Variants in ZNF609 observed in about 807,000 individuals in gnomAD.
ZNF609 encodes zinc finger protein 609.
In ZNF609, 11 loss-of-function variants were observed where a neutral mutation model predicts 109.5. That is an observed-to-expected ratio of 0.10 (90% CI 0.06 to 0.17). The LOEUF is 0.17. Among genes scored for constraint, ZNF609 ranks in the 10% least tolerant of loss-of-function variants. ZNF609 has a pLI of 1.00. For synonymous variants in ZNF609, 646 were observed against 662.0 expected (o/e 0.98, Z 0.37); for missense variants, 1,559 against 1,772.4 (o/e 0.88, Z 2.16).
intron 2 of ZNF609, among the ~76,000 whole-genome samples, chr15:64,583,842 T>C (rs931968489): frequency 4.6e-5 from 7 of 152,164 alleles, no homozygotes; most frequent in Non-Finnish European, 2.9e-5. Context: ...CCCTACGCTC[T>C]TTTCAGAGTA....
intron 2 of ZNF609, among the ~76,000 whole-genome samples, chr15:64,616,507 C>T (rs1895799773): frequency 1.4e-5 from 2 of 142,548 alleles, no homozygotes; most frequent in African/African-American, 2.5e-5. Flanking sequence ...TGTTATTAAA[C>T]TGATATCTTT....
In ZNF609 at chr15:64,577,167, CAA is replaced by C. The variant is rs1894993381; in HGVS notation, c.748-45659_748-45658del. Among the ~76,000 whole-genome samples the C allele has an allele frequency of 5.9e-5, 2 of 34,052 alleles. 1 individual carries two copies. Among genetic ancestry groups the C allele is most frequent in the South Asian group, 1.5e-3 (2 of 1,312 alleles). 22.3% of individuals were successfully genotyped at this position (34,052 alleles called of 152,430 possible). ...ATATACATATGTGTATATATACACACAATATATACATATATGTGTATATATAC... is the reference window on the plus strand; with the variant it reads ...ATATACATATGTGTATATATACACACTATATACATATATGTGTATATATAC... On this transcript the variant is annotated intron_variant, in intron 2 of 9. Coordinates refer to ENST00000326648, the MANE Select transcript of ZNF609 (RefSeq NM_015042.2).
intron 2 of ZNF609, among the ~76,000 whole-genome samples, chr15:64,539,163 C>CTTAT (rs753926623): frequency 0.12 from 15,962 of 135,156 alleles, 1,110 homozygotes; most frequent in Admixed American, 0.22. Flanking sequence ...GCCACCATGC[C>CTTAT]TTATTTATTT....
chr15:64,649,977 A>G (rs1235847605), intron 3 of ZNF609, among the ~76,000 whole-genome samples: 2 of 152,130 alleles, frequency 1.3e-5, no homozygotes, highest in African/African-American at 2.4e-5. Context: ...GACACATCAC[A>G]TAAGAAATTA....
rs190156505 is a variant in ZNF609 at position 64,646,259 on chromosome 15, T to G, written c.973+23207T>G. ...CTCTAATCCCAGCACTTTGGGAGGC[T>G]GAGATGGGAGGATCACTTGAGCCCA... On this transcript the variant is annotated intron_variant, in intron 3 of 9. Transcript: ENST00000326648. Among the ~76,000 whole-genome samples, 147 of 152,064 alleles carry G rather than the reference T, an allele frequency of 9.7e-4. 1 individual carries two copies. The highest frequency in any genetic ancestry group is 3.2e-3 in the African/African-American group (134 of 41,466).
At chr15:64,489,404 ACTC>A (rs1893378944) in intron 1 of ZNF609, among the ~76,000 whole-genome samples, 1 of 143,280 alleles carries the variant, frequency 7.0e-6, no homozygotes, top group African/African-American at 2.6e-5. Context: ...CTGGTCTTGA[ACTC>A]CTGACCTTGT....
intron 3 of ZNF609, among the ~76,000 whole-genome samples, chr15:64,647,228 A>C (rs1444444173): frequency 6.6e-6 from 1 of 152,198 alleles, no homozygotes; most frequent in South Asian, 2.1e-4. Context: ...AAGGACAAAT[A>C]TTGTATTTTT....
intron 2 of ZNF609, among the ~76,000 whole-genome samples, chr15:64,554,953 T>C (rs994362492): frequency 6.6e-6 from 1 of 151,758 alleles, no homozygotes; most frequent in African/African-American, 2.4e-5. Context: ...AAAAATTAGC[T>C]GACACAGTGA....
chr15:64,664,910 T>C (rs1358010012), intron 3 of ZNF609, among the ~76,000 whole-genome samples: 1 of 152,220 alleles, frequency 6.6e-6, no homozygotes. Flanking sequence ...ATTCATCTTC[T>C]AGTTGTGTGC....
Position 64,675,569 on chromosome 15 carries a change from G to A in ZNF609, c.2715G>A (p.Gln905=). ...FESYYSPSYA[Q]SSPGALNPSS... ...GTTACTATTCTCCAAGTTATGCACA[G>A]TCCAGCCCTGGGGCTCTGAACCCCA... The change falls in exon 5 of 10, where the codon CAG becomes CAA. Residue 905 remains glutamine, a synonymous_variant. Transcript: ENST00000326648. The A allele has an allele frequency of 1.9e-6, 3 of 1,614,208 alleles. No individual in the cohort carries two copies. Among genetic ancestry groups the A allele is most frequent in the Non-Finnish European group, 2.5e-6 (3 of 1,180,044 alleles).
intron 1 of ZNF609, among the ~76,000 whole-genome samples, chr15:64,468,706 A>G (rs932111835): frequency 8.5e-5 from 13 of 152,256 alleles, no homozygotes; most frequent in African/African-American, 2.9e-4. Context: ...ATGAGCCACA[A>G]TGCCTGGCTA....
chr15:64,529,784 G>A, intron 2 of ZNF609: 1 of 489,886 alleles, frequency 2.0e-6, no homozygotes, highest in South Asian at 1.9e-5. Context: ...AGGCTGGAGT[G>A]CAATGGTGCA....
intron 3 of ZNF609, among the ~76,000 whole-genome samples, chr15:64,662,161 A>G (rs1357759153): frequency 6.6e-6 from 1 of 152,124 alleles, no homozygotes; most frequent in Admixed American, 6.6e-5. Flanking sequence ...GGACTTCTCC[A>G]TAGGGCTGCT....
intron 1 of ZNF609, among the ~76,000 whole-genome samples, chr15:64,483,108 C>T (rs577326989): frequency 3.3e-4 from 50 of 150,258 alleles, no homozygotes; most frequent in Admixed American, 3.1e-3. Flanking sequence ...TTTTTTTTTC[C>T]CCCTGAGATG....
At chr15:64,539,175 TTTA>T (rs1894205535) in intron 2 of ZNF609, among the ~76,000 whole-genome samples, 2 of 105,854 alleles carry the variant, frequency 1.9e-5, no homozygotes, top group African/African-American at 1.2e-4. Flanking sequence ...TATTTATTTA[TTTA>T]TTTATTTATT....
chr15:64,609,534 T>C (rs1174152006), intron 2 of ZNF609, among the ~76,000 whole-genome samples: 1 of 150,994 alleles, frequency 6.6e-6, no homozygotes. Flanking sequence ...GGTCTTGAAC[T>C]CCTGACCTCA....
chr15:64,667,818 A>C (rs1896671775), intron 3 of ZNF609, among the ~76,000 whole-genome samples: 1 of 152,200 alleles, frequency 6.6e-6, no homozygotes, highest in Non-Finnish European at 1.5e-5. Context: ...TAGTCGTGAG[A>C]GGTGATTTCA....
At chr15:64,469,545 A>G (rs1196311787) in intron 1 of ZNF609, among the ~76,000 whole-genome samples, 1 of 151,378 alleles carries the variant, frequency 6.6e-6, no homozygotes, top group Non-Finnish European at 1.5e-5. Context: ...GGTATTCAGA[A>G]GGGCTAATGA....
At chr15:64,576,949 C>CATATATGTATATATACACAT (rs1567018981) in intron 2 of ZNF609, among the ~76,000 whole-genome samples, 1 of 52,190 alleles carries the variant, frequency 1.9e-5, no homozygotes, top group Admixed American at 2.4e-4. Flanking sequence ...TAAATATATA[C>CATATATGTATATATACACAT]ATATATGTAT....
Sources: gnomAD v4.1 joint callset for allele counts (sites outside exome capture counted in the v4.1 genomes callset) on GRCh38, gnomAD v4.1.1 for gene constraint, MANE v1.5 for transcripts, NCBI Gene and HGNC (gene_info 2026-07-23, HGNC 2026-07-21) for gene names.